The following NEGR1 variants were observed in gnomAD, a reference collection of about 807,000 sequenced individuals.
NEGR1 encodes the protein IgLON family member 4.
Under a neutral mutation model 40.9 loss-of-function variants are expected in NEGR1, and 10 were observed. That is an observed-to-expected ratio of 0.24 (90% CI 0.15 to 0.42). The LOEUF is 0.42. Among genes scored for constraint, NEGR1 ranks in the 10% least tolerant of loss-of-function variants. The pLI is 1.00. For synonymous variants in NEGR1, 185 were observed against 166.8 expected (o/e 1.11, Z -0.84); for missense variants, 352 against 438.9 (o/e 0.80, Z 1.77).
chr1:71,927,634 T>C (rs1645787130), intron 2 of NEGR1, among the ~76,000 whole-genome samples: 1 of 151,554 alleles, frequency 6.6e-6, no homozygotes, highest in Non-Finnish European at 1.5e-5. Flanking sequence ...TACTGCTTCA[T>C]ATAGTTCAAC....
At chr1:72,182,420 G>T (rs544912050) in intron 1 of NEGR1, among the ~76,000 whole-genome samples, 3 of 152,082 alleles carry the variant, frequency 2.0e-5, no homozygotes, top group South Asian at 2.1e-4. Context: ...TTGAACCCGG[G>T]GGGTGGAGGT....
intron 1 of NEGR1, among the ~76,000 whole-genome samples, chr1:72,220,103 T>C (rs1461958021): frequency 6.6e-6 from 1 of 152,068 alleles, no homozygotes; most frequent in African/African-American, 2.4e-5. Flanking sequence ...TTGATTTTAC[T>C]AATAAACTCA....
rs1165210075 is a variant in NEGR1 at position 71,602,248 on chromosome 1, T to TC, written c.788+8777_788+8778insG. ...TTGCCCATGATTATTCTTTTTTTTT[T>TC]TTTTTTTTTTTTTTTTTGAGACGGA... On this transcript the variant is annotated intron_variant, in intron 5 of 6. Coordinates refer to ENST00000357731, the MANE Select transcript of NEGR1 (RefSeq NM_173808.3). 2.8e-5 allele frequency among the ~76,000 whole-genome samples: 3 copies of TC among 108,414 alleles called. No individual in the cohort carries two copies. The East Asian group carries it at 7.7e-4, about 28-fold the overall frequency. 71.1% of individuals were successfully genotyped at this position (108,414 alleles called of 152,430 possible). A position where few individuals can be genotyped will look rare whatever the true frequency, so the allele number is the denominator to read the frequency against.
rs374436729 is a variant in NEGR1 at position 71,818,453 on chromosome 1, T to C, written c.410-42156A>G. 5.3e-5 allele frequency among the ~76,000 whole-genome samples: 8 copies of C among 152,060 alleles called. No homozygotes were observed. In the East Asian group the frequency reaches 9.8e-4, roughly 19 times the overall value. ...GGAACAGAAAACCAAATACCACATG[T>C]TCTCACTTATAAATGGGAGCTAAAT... On this transcript the variant is annotated intron_variant, in intron 2 of 6. Transcript: ENST00000357731.
At chr1:71,959,912 A>C (rs1375754963) in intron 1 of NEGR1, among the ~76,000 whole-genome samples, 1 of 152,162 alleles carries the variant, frequency 6.6e-6, no homozygotes, top group African/African-American at 2.4e-5. Flanking sequence ...AAACGGCATT[A>C]TCAAGAGAGA....
intron 4 of NEGR1, among the ~76,000 whole-genome samples, chr1:71,640,963 C>G (rs1161935126): frequency 1.3e-5 from 2 of 152,004 alleles, no homozygotes; most frequent in Non-Finnish European, 2.9e-5. Context: ...GGATAATTAA[C>G]CAAAACTTCT....
At chr1:71,907,570 T>C (rs571162474) in intron 2 of NEGR1, among the ~76,000 whole-genome samples, 1 of 152,200 alleles carries the variant, frequency 6.6e-6, no homozygotes, top group South Asian at 2.1e-4. Flanking sequence ...AAAATGTAAA[T>C]TAGTTCAGCA....
chr1:71,588,462 T>C (rs1038726053), intron 6 of NEGR1, among the ~76,000 whole-genome samples: 12 of 152,104 alleles, frequency 7.9e-5, no homozygotes, highest in African/African-American at 2.9e-4. Flanking sequence ...ATAGAAATCT[T>C]TCAGGAATTT....
At chr1:72,104,442 A>T (rs151302483) in intron 1 of NEGR1, among the ~76,000 whole-genome samples, 23 of 152,208 alleles carry the variant, frequency 1.5e-4, no homozygotes, top group African/African-American at 4.8e-4. Flanking sequence ...GCCAAAAAAC[A>T]TGGAAAGCCT....
intron 1 of NEGR1, among the ~76,000 whole-genome samples, chr1:72,016,786 C>T (rs1224818619): frequency 6.6e-6 from 1 of 152,182 alleles, no homozygotes; most frequent in African/African-American, 2.4e-5. Flanking sequence ...TGAGCAGTCA[C>T]TACTTGCCCC....
At chr1:71,822,271 C>A (rs997135535) in intron 2 of NEGR1, among the ~76,000 whole-genome samples, 3 of 151,790 alleles carry the variant, frequency 2.0e-5, no homozygotes, top group Non-Finnish European at 4.4e-5. Context: ...AGAAACACAT[C>A]GATGGACCTA....
intron 1 of NEGR1, among the ~76,000 whole-genome samples, chr1:72,128,523 A>G (rs1570009773): frequency 6.6e-6 from 1 of 152,218 alleles, no homozygotes; most frequent in East Asian, 1.9e-4. Flanking sequence ...AGATTTCCAG[A>G]GTTATGAATA....
chr1:71,869,607 T>C (rs1380038031), intron 2 of NEGR1, among the ~76,000 whole-genome samples: 1 of 152,080 alleles, frequency 6.6e-6, no homozygotes, highest in Non-Finnish European at 1.5e-5. Context: ...TAGCATATTA[T>C]GGAAAAAGTA....
rs1011727901 is a variant in NEGR1 at position 72,092,243 on chromosome 1, T to C, written c.177-156932A>G. ...TAGAGACTAGCCTGAACCATCTTTCTTAGGAGGCTGGAGGGCATCCTGCAC... is the reference window on the plus strand; with the variant it reads ...TAGAGACTAGCCTGAACCATCTTTCCTAGGAGGCTGGAGGGCATCCTGCAC... On this transcript the variant is annotated intron_variant, in intron 1 of 6. Coordinates refer to ENST00000357731, the MANE Select transcript of NEGR1 (RefSeq NM_173808.3). Among the ~76,000 whole-genome samples the C allele has an allele frequency of 2.0e-5, 3 of 152,142 alleles. No individual in the cohort carries two copies. The East Asian group carries it at 5.8e-4, about 29-fold the overall frequency.
rs1411984196 is a variant in NEGR1 at position 71,398,191 on chromosome 1, G to A, written c.*9255C>T. On this transcript the variant is annotated 3_prime_UTR_variant, in exon 7 of 7. Coordinates refer to ENST00000357731, the MANE Select transcript of NEGR1 (RefSeq NM_173808.3). ...AAATGTGGAGTGAGCCCCACACAGA[G>A]TCCCTACTGGGACACCACGTAGTGG... 1 of 152,326 alleles carries A rather than the reference G, an allele frequency of 6.6e-6. No homozygotes were observed. Among genetic ancestry groups the A allele is most frequent in the East Asian group, 1.9e-4 (1 of 5,192 alleles). 9.4% of individuals were successfully genotyped at this position (152,326 alleles called of 1,614,324 possible).
chr1:72,071,779 C>A (rs923915929), intron 1 of NEGR1, among the ~76,000 whole-genome samples: 2 of 151,954 alleles, frequency 1.3e-5, no homozygotes, highest in Non-Finnish European at 2.9e-5. Context: ...AGTTGGAAAC[C>A]CTAACCTTTT....
At chr1:71,854,393 C>T (rs577867) in intron 2 of NEGR1, among the ~76,000 whole-genome samples, 69,171 of 151,698 alleles carry the variant, frequency 0.46, 15,960 homozygotes, top group East Asian at 0.61. Flanking sequence ...AAATTTTAAG[C>T]AAATTAGTGA....
At chr1:71,656,209 G>A (rs1403425732) in intron 4 of NEGR1, among the ~76,000 whole-genome samples, 2 of 151,950 alleles carry the variant, frequency 1.3e-5, no homozygotes, top group African/African-American at 2.4e-5. Flanking sequence ...ATAAAAATGG[G>A]GTCATTATCA....
At chr1:71,991,077 A>C (rs1646446574) in intron 1 of NEGR1, among the ~76,000 whole-genome samples, 1 of 152,108 alleles carries the variant, frequency 6.6e-6, no homozygotes, top group African/African-American at 2.4e-5. Flanking sequence ...GGTATTCTAG[A>C]AGCCATCATT....
Sources: gnomAD v4.1 joint callset for allele counts (sites outside exome capture counted in the v4.1 genomes callset) on GRCh38, gnomAD v4.1.1 for gene constraint, MANE v1.5 for transcripts, NCBI Gene and HGNC (gene_info 2026-07-23, HGNC 2026-07-21) for gene names.